DNAH11: variants seen among roughly 807,000 people sequenced by gnomAD.
DNAH11 encodes dynein axonemal heavy chain 11, also known as axonemal beta dynein heavy chain 11.
DNAH11 carries 442 observed loss-of-function variants against 526.0 expected under a neutral mutation model. That is an observed-to-expected ratio of 0.84 (90% CI 0.78 to 0.91). The LOEUF (loss-of-function observed/expected upper bound fraction) is 0.91, where lower values mean the gene tolerates loss of function less well. Among genes scored for constraint, DNAH11 ranks in the 40% least tolerant of loss-of-function variants. DNAH11 has a pLI of 0.00. For synonymous variants in DNAH11, 2,461 were observed against 1,935.9 expected (o/e 1.27, Z -7.12); for missense variants, 6,989 against 5,448.7 (o/e 1.28, Z -8.90).
At chr7:21,709,406 A>T (rs1307572415) in intron 40 of DNAH11, among the ~76,000 whole-genome samples, 1 of 152,184 alleles carries the variant, frequency 6.6e-6, no homozygotes, top group Non-Finnish European at 1.5e-5. Context: ...GGAGCCATTG[A>T]CACTGAGGCC....
At chr7:21,809,176 ATCT>A (rs141256105) in intron 63 of DNAH11, among the ~76,000 whole-genome samples, 26 of 152,262 alleles carry the variant, frequency 1.7e-4, no homozygotes, top group African/African-American at 5.5e-4. Context: ...CCATTTGTAC[ATCT>A]TCTTCTGAGA....
At chr7:21,786,458 C>T (rs1038038642) in intron 58 of DNAH11, among the ~76,000 whole-genome samples, 166 bp from the exon 59 acceptor site, 1 of 152,114 alleles carries the variant, frequency 6.6e-6, no homozygotes, top group African/African-American at 2.4e-5. Context: ...ACTGAACCTC[C>T]TGGAGTTCCA....
chr7:21,638,760 C>T (rs530586779), intron 27 of DNAH11, among the ~76,000 whole-genome samples, 179 bp from the exon 28 acceptor site: 1 of 149,634 alleles, frequency 6.7e-6, no homozygotes, highest in Admixed American at 6.7e-5. Flanking sequence ...TTCTACTTGG[C>T]ATAATGTATA....
chr7:21,622,942 G>T (rs1786146340), intron 25 of DNAH11, among the ~76,000 whole-genome samples: 1 of 152,080 alleles, frequency 6.6e-6, no homozygotes, highest in Non-Finnish European at 1.5e-5. Context: ...CAAAAGCAAT[G>T]GCAACAAAAG....
At chr7:21,773,563 A>G (rs1285601538) in intron 55 of DNAH11, among the ~76,000 whole-genome samples, 1 of 152,132 alleles carries the variant, frequency 6.6e-6, no homozygotes, top group Non-Finnish European at 1.5e-5. Flanking sequence ...ACTTGGCAAG[A>G]AGAAGGTTAC....
At chr7:21,648,082 A>G (rs1197156323) in intron 28 of DNAH11, among the ~76,000 whole-genome samples, 1 of 152,228 alleles carries the variant, frequency 6.6e-6, no homozygotes, top group East Asian at 1.9e-4. Context: ...TATATATGTA[A>G]GTTTAAATAC....
chr7:21,555,233 C>G (rs1450112464), intron 2 of DNAH11, among the ~76,000 whole-genome samples: 2 of 152,182 alleles, frequency 1.3e-5, no homozygotes, highest in African/African-American at 4.8e-5. Flanking sequence ...GCCACAAGAC[C>G]AAAGGCTTAC....
At chr7:21,791,046 T>C (rs1283538368) in intron 61 of DNAH11, among the ~76,000 whole-genome samples, 1 of 152,086 alleles carries the variant, frequency 6.6e-6, no homozygotes, top group Non-Finnish European at 1.5e-5. Flanking sequence ...GCAGGAGCAG[T>C]CATGATGGAG....
Position 21,885,169 on chromosome 7 carries a change from T to TGTAAAAAAAAA in DNAH11, c.12507+759_12507+760insGTAAAAAAAAA, listed in dbSNP as rs367811733. Among the ~76,000 whole-genome samples, 377 of 89,326 alleles carry TGTAAAAAAAAA rather than the reference T, an allele frequency of 4.2e-3. 62 individuals carry two copies. Among genetic ancestry groups the TGTAAAAAAAAA allele is most frequent in the South Asian group, 8.1e-3 (20 of 2,472 alleles). 58.6% of individuals were successfully genotyped at this position (89,326 alleles called of 152,430 possible). Reference sequence around the variant, plus strand: ...TATTTGGATCTTGTTCCAAATGAACTATAAAAAAAAAAAAAAAAACACACA... The same window carrying TGTAAAAAAAAA: ...TATTTGGATCTTGTTCCAAATGAACTGTAAAAAAAAAATAAAAAAAAAAAAAAAAACACACA... On this transcript the variant is annotated intron_variant, in intron 76 of 81. Transcript: ENST00000409508.
chr7:21,646,769 A>G (rs1010426305), intron 28 of DNAH11, among the ~76,000 whole-genome samples: 1 of 152,204 alleles, frequency 6.6e-6, no homozygotes, highest in Admixed American at 6.5e-5. Context: ...CCTAGATTAG[A>G]CACTGCTCTA....
intron 25 of DNAH11, among the ~76,000 whole-genome samples, chr7:21,626,264 C>G (rs1786328325): frequency 1.3e-5 from 2 of 152,116 alleles, no homozygotes; most frequent in Admixed American, 6.6e-5. Flanking sequence ...TCCTCTAGTT[C>G]CATCCACATA....
chr7:21,831,453 T>C (rs1781764735), intron 65 of DNAH11, among the ~76,000 whole-genome samples: 1 of 152,182 alleles, frequency 6.6e-6, no homozygotes, highest in East Asian at 1.9e-4. Flanking sequence ...AATTTTTGCC[T>C]CTCATAGATC....
chr7:21,753,119 C>T (rs1169136877), intron 54 of DNAH11, among the ~76,000 whole-genome samples: 1 of 152,148 alleles, frequency 6.6e-6, no homozygotes, highest in Non-Finnish European at 1.5e-5. Context: ...CCTTAGAGGC[C>T]CTTTAGAAGA....
At chr7:21,880,600 A>C in intron 74 of DNAH11, 102 bp from the exon 75 acceptor site, 1 of 1,212,796 alleles carries the variant, frequency 8.2e-7, no homozygotes, top group Non-Finnish European at 1.2e-6. Context: ...CCTCTGTAGT[A>C]TCTCACTCTC....
At chr7:21,603,857 T>C (rs1368452621) in intron 18 of DNAH11, among the ~76,000 whole-genome samples, 1 of 152,216 alleles carries the variant, frequency 6.6e-6, no homozygotes, top group Non-Finnish European at 1.5e-5. Flanking sequence ...AATTTAGATA[T>C]GGCCTCCAGA....
chr7:21,738,918 GA>G, intron 47 of DNAH11, 52 bp downstream of exon 47: 1 of 1,307,870 alleles, frequency 7.6e-7, no homozygotes, highest in Non-Finnish European at 1.0e-6. Flanking sequence ...AATTATTATG[GA>G]TAATAATTAC....
chr7:21,628,802 A>T (rs1424949127), intron 25 of DNAH11, among the ~76,000 whole-genome samples: 1 of 151,764 alleles, frequency 6.6e-6, no homozygotes, highest in African/African-American at 2.4e-5. Flanking sequence ...TGCTGGCTTC[A>T]TTTTCTTAGT....
chr7:21,619,416 G>A (rs1785935815), intron 24 of DNAH11, among the ~76,000 whole-genome samples, 194 bp downstream of exon 24: 1 of 152,136 alleles, frequency 6.6e-6, no homozygotes, highest in Admixed American at 6.5e-5. Context: ...AGGAGGATTG[G>A]TCTTGTTGAT....
At chr7:21,792,849 T>C (rs562735260) in intron 61 of DNAH11, among the ~76,000 whole-genome samples, 7 of 152,322 alleles carry the variant, frequency 4.6e-5, no homozygotes, top group East Asian at 3.9e-4. Flanking sequence ...TTCATTGATA[T>C]TTTGTATTTT....
Sources: allele counts gnomAD v4.1 joint callset (sites outside exome capture counted in the v4.1 genomes callset), GRCh38; gene constraint gnomAD v4.1.1; transcripts MANE v1.5; gene names NCBI Gene and HGNC (gene_info 2026-07-23, HGNC 2026-07-21).